SOX5: variants seen among roughly 807,000 people sequenced by gnomAD.
SOX5 encodes transcription factor SOX-5.
SOX5 carries 9 observed loss-of-function variants against 92.0 expected under a neutral mutation model. The ratio of observed to expected loss-of-function variants is 0.10; its 90% CI spans 0.06 to 0.17. SOX5 has a LOEUF of 0.17. SOX5 is among the 10% of genes least tolerant of loss of function. SOX5 has a pLI of 1.00. For synonymous variants in SOX5, 344 were observed against 336.3 expected, an observed-to-expected ratio of 1.02 and a Z score of -0.25; for missense variants, 642 against 944.5, an observed-to-expected ratio of 0.68 and a Z score of 4.20.
chr12:23,548,741 A>G (rs1002551573), intron 11 of SOX5, among the ~76,000 whole-genome samples: 1 of 152,084 alleles, frequency 6.6e-6, no homozygotes, highest in African/African-American at 2.4e-5. Context: ...CTATAATTCC[A>G]TATGACAACT....
intron 1 of SOX5, among the ~76,000 whole-genome samples, chr12:23,898,760 T>C (rs1050185906): frequency 2.0e-5 from 3 of 152,208 alleles, no homozygotes; most frequent in African/African-American, 4.8e-5. Flanking sequence ...TCCTAGAATG[T>C]CACATATTTC....
chr12:24,366,094 T>C (rs1323503925), intron 2 of SOX5, among the ~76,000 whole-genome samples: 1 of 152,186 alleles, frequency 6.6e-6, no homozygotes, highest in African/African-American at 2.4e-5. Context: ...TCAATGTCAC[T>C]ATTCGAATTT....
Position 24,062,851 on chromosome 12 carries a change from G to A in SOX5, c.-2+150492C>T, listed in dbSNP as rs115523723. Among the ~76,000 whole-genome samples the A allele has an allele frequency of 9.1e-3, 1,386 of 152,124 alleles. 19 individuals are homozygous for A. The highest frequency in any genetic ancestry group is 0.031 in the African/African-American group (1,293 of 41,482). ...AGTTATTTTGTGTCTCATATTCTTC[G>A]GCTACAGACTGTGGTTAACACTGCT... On this transcript the variant is annotated intron_variant, in intron 4 of 4. Coordinates refer to the SOX5 transcript ENST00000446891.
intron 3 of SOX5, among the ~76,000 whole-genome samples, chr12:24,220,528 G>A (rs1960153965): frequency 6.6e-6 from 1 of 151,726 alleles, no homozygotes; most frequent in African/African-American, 2.4e-5. Context: ...ATAATAAAAG[G>A]GCTATTAAAT....
chr12:23,934,092 G>T (rs1441720195), intron 1 of SOX5, among the ~76,000 whole-genome samples: 1 of 151,270 alleles, frequency 6.6e-6, no homozygotes, highest in Admixed American at 6.6e-5. Context: ...ACTAAAAATG[G>T]CAATGTGAAC....
At chr12:24,191,236 C>A (rs1325344912) in intron 4 of SOX5, among the ~76,000 whole-genome samples, 1 of 152,204 alleles carries the variant, frequency 6.6e-6, no homozygotes, top group Non-Finnish European at 1.5e-5. Flanking sequence ...GCCAGGCAGA[C>A]CTCATAGTTC....
chr12:23,568,618 T>A (rs1947577725), intron 10 of SOX5, among the ~76,000 whole-genome samples: 1 of 152,126 alleles, frequency 6.6e-6, no homozygotes, highest in African/African-American at 2.4e-5. Context: ...CTCAGTCCCC[T>A]CTTTCTATAT....
chr12:23,744,527 T>C (rs1183694487), intron 4 of SOX5, among the ~76,000 whole-genome samples: 1 of 152,134 alleles, frequency 6.6e-6, no homozygotes, highest in Non-Finnish European at 1.5e-5. Context: ...CAACTACCCA[T>C]CCCTGCATTG....
chr12:23,761,131 C>G (rs1003555729), intron 3 of SOX5, among the ~76,000 whole-genome samples: 6 of 152,066 alleles, frequency 3.9e-5, no homozygotes, highest in Non-Finnish European at 8.8e-5. Context: ...ATACCAATAT[C>G]TCCTTCAAAG....
chr12:24,187,907 T>C (rs912271779), intron 4 of SOX5, among the ~76,000 whole-genome samples: 6 of 152,206 alleles, frequency 3.9e-5, no homozygotes, highest in Admixed American at 3.9e-4. Context: ...TTAATATCAC[T>C]ACTTAGCAAC....
intron 2 of SOX5, among the ~76,000 whole-genome samples, chr12:24,298,783 C>CAAAAAAAAAAAAAAAAAAAAA (rs10657648): frequency 5.2e-5 from 5 of 96,650 alleles, no homozygotes; most frequent in Non-Finnish European, 8.7e-5. Flanking sequence ...CCAGAGTAGT[C>CAAAAAAAAAAAAAAAAAAAAA]AAAAAAAAAA....
chr12:23,717,570 A>G (rs896136705), intron 6 of SOX5, among the ~76,000 whole-genome samples: 3 of 152,226 alleles, frequency 2.0e-5, no homozygotes, highest in Non-Finnish European at 4.4e-5. Flanking sequence ...GGGGAGAATT[A>G]TATTTCCTAT....
At chr12:24,202,413 T>A (rs949304043) in intron 4 of SOX5, among the ~76,000 whole-genome samples, 2 of 152,232 alleles carry the variant, frequency 1.3e-5, no homozygotes, top group Non-Finnish European at 2.9e-5. Flanking sequence ...ATATATTCTT[T>A]ACTCAGGTTC....
chr12:23,828,030 C>T (rs1222491562), intron 3 of SOX5, among the ~76,000 whole-genome samples: 7 of 152,190 alleles, frequency 4.6e-5, no homozygotes, highest in Non-Finnish European at 4.4e-5. Flanking sequence ...CTACACATAA[C>T]AACATGAATG....
chr12:23,558,051 CAAACA>C (rs1014805063), intron 11 of SOX5, among the ~76,000 whole-genome samples: 1 of 150,814 alleles, frequency 6.6e-6, no homozygotes, highest in Non-Finnish European at 1.5e-5. Flanking sequence ...AATTATAAGA[CAAACA>C]AAACAAACCA....
intron 1 of SOX5, among the ~76,000 whole-genome samples, chr12:24,497,891 C>T (rs1018725603): frequency 6.6e-6 from 1 of 152,240 alleles, no homozygotes; most frequent in East Asian, 1.9e-4. Flanking sequence ...AGATCATATC[C>T]TCTGCAGGGA....
chr12:24,454,672 T>C (rs1043319986), intron 1 of SOX5, among the ~76,000 whole-genome samples: 2 of 152,230 alleles, frequency 1.3e-5, no homozygotes, highest in African/African-American at 2.4e-5. Flanking sequence ...TTCAATGCAC[T>C]GTCATTCTGA....
chr12:24,308,325 A>C (rs985365989), intron 2 of SOX5, among the ~76,000 whole-genome samples: 8 of 152,192 alleles, frequency 5.3e-5, no homozygotes, highest in Non-Finnish European at 1.2e-4. Flanking sequence ...CAACATATAA[A>C]AGCCCAAGTC....
chr12:23,845,511 T>C (rs1056549619), intron 3 of SOX5, among the ~76,000 whole-genome samples: 45 of 152,174 alleles, frequency 3.0e-4, no homozygotes, highest in Non-Finnish European at 2.9e-5. Context: ...TATCTAAAAG[T>C]TAAAGAATCA....
Sources: allele counts gnomAD v4.1 joint callset (sites outside exome capture counted in the v4.1 genomes callset), GRCh38; gene constraint gnomAD v4.1.1; transcripts MANE v1.5; gene names NCBI Gene and HGNC (gene_info 2026-07-23, HGNC 2026-07-21).